MNAT1: variants seen among roughly 807,000 people sequenced by gnomAD.
The protein encoded by MNAT1 is MNAT1 component of CDK activating kinase.
Under a neutral mutation model 42.0 loss-of-function variants are expected in MNAT1, and 43 were observed. The observed-to-expected ratio is 1.02, with a 90% CI of 0.80 to 1.32. The LOEUF is 1.32. Ranked by LOEUF, MNAT1 falls within the 40% of genes most tolerant of loss-of-function variation. MNAT1 has a pLI of 0.00. For missense variants in MNAT1, 306 were observed against 350.4 expected, an observed-to-expected ratio of 0.87 and a Z score of 1.01; for synonymous variants, 118 against 120.0, an observed-to-expected ratio of 0.98 and a Z score of 0.11.
chr14:60,850,761 A>G (rs1365373747), intron 6 of MNAT1, among the ~76,000 whole-genome samples: 2 of 152,368 alleles, frequency 1.3e-5, no homozygotes, highest in East Asian at 3.9e-4. Flanking sequence ...AAACAAGCAA[A>G]TAAAAAGAAA....
At chr14:60,774,871 T>A (rs2031191955) in intron 1 of MNAT1, among the ~76,000 whole-genome samples, 1 of 152,146 alleles carries the variant, frequency 6.6e-6, no homozygotes, top group African/African-American at 2.4e-5. Flanking sequence ...TATGAAATAA[T>A]CAAGTATTCT....
chr14:60,919,136 T>C (rs1215823065), intron 7 of MNAT1: 4 of 151,514 alleles, frequency 2.6e-5, no homozygotes, highest in Non-Finnish European at 5.9e-5. Context: ...TTGGTTGGTG[T>C]GCCAGAGCCG....
At chr14:60,782,830 C>A (rs1180139743) in intron 1 of MNAT1, among the ~76,000 whole-genome samples, 1 of 152,150 alleles carries the variant, frequency 6.6e-6, no homozygotes, top group Non-Finnish European at 1.5e-5. Context: ...ATGCTCTGCT[C>A]CCTCTCAGTT....
At chr14:60,889,635 A>C (rs1031299946) in intron 7 of MNAT1, among the ~76,000 whole-genome samples, 4 of 152,220 alleles carry the variant, frequency 2.6e-5, no homozygotes, top group Non-Finnish European at 5.9e-5. Context: ...TCTTCACAGC[A>C]AAAGAAACTA....
chr14:60,914,467 C>G (rs1473433618), intron 7 of MNAT1, among the ~76,000 whole-genome samples: 1 of 152,098 alleles, frequency 6.6e-6, no homozygotes, highest in Admixed American at 6.5e-5. Context: ...ATCTTGGCTC[C>G]CCAGCTTTGA....
chr14:60,757,783 GTTT>G (rs773122588), intron 1 of MNAT1, among the ~76,000 whole-genome samples: 35 of 152,080 alleles, frequency 2.3e-4, no homozygotes, highest in Non-Finnish European at 4.1e-4. Context: ...GTGCTTTTAG[GTTT>G]TTTTCTGCTC....
intron 7 of MNAT1, among the ~76,000 whole-genome samples, chr14:60,954,847 A>G (rs935604584): frequency 1.3e-5 from 2 of 152,058 alleles, no homozygotes; most frequent in African/African-American, 4.8e-5. Context: ...GATGTTAGCT[A>G]TCGTATTTTA....
At chr14:60,954,753 G>A (rs2036450173) in intron 7 of MNAT1, among the ~76,000 whole-genome samples, 1 of 152,060 alleles carries the variant, frequency 6.6e-6, no homozygotes, top group Admixed American at 6.6e-5. Flanking sequence ...CCAGTATTAT[G>A]TTGAACAGAA....
At chr14:60,876,515 C>T (rs758490085) in intron 6 of MNAT1, among the ~76,000 whole-genome samples, 5 of 151,932 alleles carry the variant, frequency 3.3e-5, no homozygotes, top group African/African-American at 4.8e-5. Flanking sequence ...CTATCACCAC[C>T]GTTCATTTCC....
At chr14:60,827,040 T>C (rs1481652716) in intron 6 of MNAT1, among the ~76,000 whole-genome samples, 1 of 152,174 alleles carries the variant, frequency 6.6e-6, no homozygotes, top group Non-Finnish European at 1.5e-5. Flanking sequence ...TCTATTTTGC[T>C]TGTTTGCAAA....
At chr14:60,812,439 G>A (rs1347575530) in intron 5 of MNAT1, among the ~76,000 whole-genome samples, 1 of 152,142 alleles carries the variant, frequency 6.6e-6, no homozygotes, top group Non-Finnish European at 1.5e-5. Context: ...GCGACAGGAG[G>A]CAGCCAAATG....
intron 6 of MNAT1, among the ~76,000 whole-genome samples, chr14:60,878,743 A>C (rs2034484919): frequency 6.6e-6 from 1 of 152,098 alleles, no homozygotes; most frequent in African/African-American, 2.4e-5. Context: ...CTCTTAGTAG[A>C]CATTGCTTTG....
intron 1 of MNAT1, among the ~76,000 whole-genome samples, chr14:60,771,425 T>C (rs59923470): frequency 7.1e-4 from 108 of 152,358 alleles, no homozygotes; most frequent in African/African-American, 2.6e-3. Flanking sequence ...TTTATGGTAG[T>C]GGCTCATACA....
At chr14:60,906,111 G>T (rs1441901463) in intron 7 of MNAT1, among the ~76,000 whole-genome samples, 1 of 152,146 alleles carries the variant, frequency 6.6e-6, no homozygotes, top group Non-Finnish European at 1.5e-5. Context: ...ATATCCTTGG[G>T]AGAGTCAGCA....
intron 1 of MNAT1, 89 bp downstream of exon 1, chr14:60,735,040 AAAGGGCGTTG>A: frequency 1.6e-6 from 2 of 1,270,750 alleles, no homozygotes; most frequent in East Asian, 4.6e-5. Flanking sequence ...TCTTGGGAGC[AAAGGGCGTTG>A]TTAGTTTCAA....
intron 7 of MNAT1, among the ~76,000 whole-genome samples, chr14:60,897,789 ATTG>A (rs1275002925): frequency 6.6e-6 from 1 of 152,148 alleles, no homozygotes; most frequent in African/African-American, 2.4e-5. Context: ...TATATAACAT[ATTG>A]TTGCTAACTG....
chr14:60,736,419 A>G (rs1184303156), intron 1 of MNAT1, among the ~76,000 whole-genome samples: 1 of 152,178 alleles, frequency 6.6e-6, no homozygotes, highest in Non-Finnish European at 1.5e-5. Context: ...CATAAATGGC[A>G]TTTTAATTGG....
intron 7 of MNAT1, among the ~76,000 whole-genome samples, chr14:60,917,188 A>G (rs912490266): frequency 1.3e-5 from 2 of 152,182 alleles, no homozygotes; most frequent in Non-Finnish European, 2.9e-5. Flanking sequence ...ATTATGTATG[A>G]GCAGAGGTTG....
rs944228495 is a variant in MNAT1 at position 60,969,922 on chromosome 14, C to T, written c.*1573C>T. 1 of 152,258 alleles carries T rather than the reference C, an allele frequency of 6.6e-6. No homozygotes were observed. The highest frequency in any genetic ancestry group is 1.9e-4 in the East Asian group (1 of 5,184). The allele number at this position is 152,258 out of a possible 1,614,324, so 9.4% of individuals were successfully genotyped here. A position where few individuals can be genotyped will look rare whatever the true frequency, so the allele number is the denominator to read the frequency against. On this transcript the variant is annotated 3_prime_UTR_variant, in exon 8 of 8. Coordinates refer to ENST00000261245, the MANE Select transcript of MNAT1 (RefSeq NM_002431.4). ...TGCCTTATTGTGGAAATTGCATGCA[C>T]CTGGTTTGGCAAATAAATTCCAAAA...
Sources: allele counts gnomAD v4.1 joint callset (sites outside exome capture counted in the v4.1 genomes callset), GRCh38; gene constraint gnomAD v4.1.1; transcripts MANE v1.5; gene names NCBI Gene and HGNC (gene_info 2026-07-23, HGNC 2026-07-21).